Variants in FBXW10B observed in about 807,000 individuals in gnomAD.
FBXW10B encodes F-box and WD repeat domain containing 10B, also known as F-box and WD repeat domain containing protein 10B.
the FBXW10B span, chr17:15,572,089 T>C: frequency 1.0e-4 from 3 of 28,654 alleles, no homozygotes; most frequent in African/African-American, 1.0e-3. Context: ...ATGTTTACCT[T>C]TTTTTTTTTT....
At chr17:15,593,502 G>A in the FBXW10B span, 1 of 1,614,072 alleles carries the variant, frequency 6.2e-7, no homozygotes, top group Non-Finnish European at 8.5e-7. Context: ...CTCTCTGGAA[G>A]GGAACAGAGT....
At chr17:15,598,578 C>A in the FBXW10B span, 1 of 1,613,504 alleles carries the variant, frequency 6.2e-7, no homozygotes, top group Non-Finnish European at 8.5e-7. Flanking sequence ...TGTTCTTACA[C>A]AAGTCCATGC....
the FBXW10B span, chr17:15,573,155 A>G: frequency 2.1e-4 from 32 of 152,300 alleles, no homozygotes; most frequent in Middle Eastern, 3.4e-3. Context: ...AGCTCTGTCT[A>G]CCTGTAATTC....
the FBXW10B span, among the ~76,000 whole-genome samples, chr17:15,618,310 A>G: frequency 6.6e-6 from 1 of 152,204 alleles, no homozygotes; most frequent in East Asian, 1.9e-4. Flanking sequence ...CCTGGGTGAC[A>G]GCGAGACTCC....
At chr17:15,576,145 G>C in the FBXW10B span, among the ~76,000 whole-genome samples, 1 of 151,990 alleles carries the variant, frequency 6.6e-6, no homozygotes, top group Non-Finnish European at 1.5e-5. Context: ...TCAAACCTGA[G>C]GTCCTTCAGA....
the FBXW10B span, chr17:15,588,809 T>C: frequency 1.4e-6 from 2 of 1,409,510 alleles, no homozygotes; most frequent in Admixed American, 3.3e-5. Context: ...TGTGATTGAG[T>C]TGAGTTGGAG....
the FBXW10B span, among the ~76,000 whole-genome samples, chr17:15,611,431 C>A: frequency 1.3e-5 from 2 of 152,120 alleles, no homozygotes; most frequent in Admixed American, 1.3e-4. Flanking sequence ...TTCTATCTTC[C>A]AAGACTTAGA....
At chr17:15,601,019 C>G in the FBXW10B span, among the ~76,000 whole-genome samples, 39 of 102,426 alleles carry the variant, frequency 3.8e-4, no homozygotes, top group African/African-American at 1.4e-3. Flanking sequence ...TCACAGCACT[C>G]CAGCCTGGCA....
At chr17:15,598,712 C>G in the FBXW10B span, 1 of 1,592,420 alleles carries the variant, frequency 6.3e-7, no homozygotes, top group Non-Finnish European at 8.6e-7. Context: ...GATCATACTG[C>G]GTAGAACCCA....
the FBXW10B span, among the ~76,000 whole-genome samples, chr17:15,578,269 G>A: frequency 6.6e-6 from 1 of 150,460 alleles, no homozygotes; most frequent in Non-Finnish European, 1.5e-5. Flanking sequence ...CATGGTCCCT[G>A]GCCAAAGGTC....
the FBXW10B span, among the ~76,000 whole-genome samples, chr17:15,586,584 C>G: frequency 7.9e-5 from 12 of 151,726 alleles, no homozygotes; most frequent in Middle Eastern, 3.4e-3. Context: ...TGAACTTTTT[C>G]AAGTCCCCTT....
At chr17:15,600,892 C>CA in the FBXW10B span, among the ~76,000 whole-genome samples, 31,321 of 146,552 alleles carry the variant, frequency 0.21, 3,688 homozygotes, top group East Asian at 0.35. Flanking sequence ...TACTAAAATA[C>CA]AAAAAAACAT....
chr17:15,593,413 T>G, the FBXW10B span: 238,798 of 1,613,690 alleles, frequency 0.15, 19,115 homozygotes, highest in Admixed American at 0.27. Flanking sequence ...CAGTTCCCAT[T>G]GAAGAAATTG....
the FBXW10B span, among the ~76,000 whole-genome samples, chr17:15,612,358 C>CA: frequency 6.6e-6 from 1 of 151,228 alleles, no homozygotes; most frequent in African/African-American, 2.4e-5. Flanking sequence ...AAAAAAAATA[C>CA]AAAAAATTAG....
At chr17:15,570,250 C>T in the FBXW10B span, among the ~76,000 whole-genome samples, 2 of 152,094 alleles carry the variant, frequency 1.3e-5, no homozygotes, top group Non-Finnish European at 2.9e-5. Context: ...GCCATTCGGA[C>T]AGGAGTGGAG....
At chr17:15,597,463 TAAAAA>T in the FBXW10B span, among the ~76,000 whole-genome samples, 3 of 121,276 alleles carry the variant, frequency 2.5e-5, no homozygotes, top group Non-Finnish European at 5.2e-5. Context: ...CCGTCTCTAC[TAAAAA>T]AAAAAAAAAA....
chr17:15,607,787 C>A, the FBXW10B span: 9 of 1,100,688 alleles, frequency 8.2e-6, no homozygotes, highest in South Asian at 1.4e-4. Flanking sequence ...CTCACAGATT[C>A]TTCCTCTGAA....
At chr17:15,615,839 C>T in the FBXW10B span, 6 of 1,613,690 alleles carry the variant, frequency 3.7e-6, no homozygotes. Flanking sequence ...GACAAGGTTG[C>T]TCTTGAAGTG....
At chr17:15,567,595 G>A in the FBXW10B span, among the ~76,000 whole-genome samples, 1 of 152,138 alleles carries the variant, frequency 6.6e-6, no homozygotes, top group Non-Finnish European at 1.5e-5. Flanking sequence ...TTGGGAGGCT[G>A]GGGCAGGAGG....
Sources: allele counts gnomAD v4.1 joint callset (sites outside exome capture counted in the v4.1 genomes callset), GRCh38; gene constraint gnomAD v4.1.1; transcripts MANE v1.5; gene names NCBI Gene and HGNC (gene_info 2026-07-23, HGNC 2026-07-21).